SUCO: variants seen among roughly 807,000 people sequenced by gnomAD.
SUCO encodes SUN domain-containing ossification factor.
A neutral mutation model predicts 148.1 loss-of-function variants in SUCO; 57 were observed. The ratio of observed to expected loss-of-function variants is 0.38; its 90% CI spans 0.31 to 0.48. SUCO has a LOEUF of 0.48. SUCO is among the 20% of genes least tolerant of loss of function. The probability of loss-of-function intolerance (pLI) is 0.96; values close to 1 mark genes in which losing one functional copy is unlikely to be tolerated. For missense variants in SUCO, 1,331 were observed against 1,468.2 expected, an observed-to-expected ratio of 0.91 and a Z score of 1.53; for synonymous variants, 470 against 502.7, an observed-to-expected ratio of 0.93 and a Z score of 0.87.
intron 6 of SUCO, among the ~76,000 whole-genome samples, chr1:172,562,386 T>C (rs1449023936): frequency 6.7e-6 from 1 of 149,954 alleles, no homozygotes; most frequent in East Asian, 1.9e-4. Flanking sequence ...CAATCTGGAG[T>C]GCAGTGGTGC....
At chr1:172,562,639 C>T (rs895023599) in intron 6 of SUCO, among the ~76,000 whole-genome samples, 1 of 152,146 alleles carries the variant, frequency 6.6e-6, no homozygotes, top group Non-Finnish European at 1.5e-5. Context: ...CCCAGTTAGA[C>T]CATTCTTTAG....
At chr1:172,597,089 T>A (rs572494281) in intron 19 of SUCO, among the ~76,000 whole-genome samples, 4 of 152,174 alleles carry the variant, frequency 2.6e-5, no homozygotes, top group South Asian at 4.1e-4. Flanking sequence ...CTCCGAGCCA[T>A]GCACGGGATA....
chr1:172,537,286 AAAT>A (rs373876920), intron 1 of SUCO, among the ~76,000 whole-genome samples: 3 of 152,178 alleles, frequency 2.0e-5, no homozygotes, highest in East Asian at 1.9e-4. Context: ...AATGAGAAAA[AAAT>A]AATAATTTCT....
intron 19 of SUCO, among the ~76,000 whole-genome samples, chr1:172,595,298 A>G (rs1023066819): frequency 2.0e-5 from 3 of 152,152 alleles, no homozygotes; most frequent in East Asian, 3.9e-4. Flanking sequence ...TAATATTGTT[A>G]TATGTGAATG....
chr1:172,578,085 A>C (rs1329189768), intron 13 of SUCO, among the ~76,000 whole-genome samples: 1 of 151,932 alleles, frequency 6.6e-6, no homozygotes, highest in Non-Finnish European at 1.5e-5. Flanking sequence ...ACTGATATGA[A>C]AACTCATCCA....
At chr1:172,577,488 T>A in intron 11 of SUCO, 51 bp from the exon 12 acceptor site, 1 of 1,552,680 alleles carries the variant, frequency 6.4e-7, no homozygotes, top group South Asian at 1.1e-5. Context: ...TATTGCATGA[T>A]GTCTAGACTT....
intron 11 of SUCO, 89 bp downstream of exon 11, chr1:172,575,712 AAAGTT>A: frequency 2.3e-6 from 2 of 857,800 alleles, no homozygotes; most frequent in South Asian, 1.5e-5. Context: ...AGAAATCAGA[AAAGTT>A]AAGAAATAGA....
intron 1 of SUCO, among the ~76,000 whole-genome samples, chr1:172,534,945 A>G (rs1414303903): frequency 1.3e-5 from 2 of 152,232 alleles, no homozygotes; most frequent in African/African-American, 4.8e-5. Context: ...TTAAAAACAC[A>G]CCAGTATCTC....
chr1:172,538,258 A>G (rs1337871978), intron 1 of SUCO, among the ~76,000 whole-genome samples: 1 of 152,182 alleles, frequency 6.6e-6, no homozygotes, highest in Non-Finnish European at 1.5e-5. Context: ...CTAAATCAAG[A>G]TGTTGGCCTT....
At chr1:172,551,392 C>T (rs1653284478) in intron 1 of SUCO, 120 bp from the exon 2 acceptor site, 1 of 550,742 alleles carries the variant, frequency 1.8e-6, no homozygotes, top group Non-Finnish European at 3.2e-6. Context: ...AGGATAGGAA[C>T]CATCTGTCTG....
chr1:172,562,613 G>T (rs1654259445), intron 6 of SUCO, among the ~76,000 whole-genome samples: 1 of 152,188 alleles, frequency 6.6e-6, no homozygotes, highest in African/African-American at 2.4e-5. Flanking sequence ...GGGATTAACA[G>T]GTGTGAGCCA....
intron 18 of SUCO, among the ~76,000 whole-genome samples, chr1:172,590,755 C>A (rs1656594670): frequency 1.3e-5 from 2 of 152,124 alleles, no homozygotes; most frequent in South Asian, 4.1e-4. Flanking sequence ...TTAGCTACCC[C>A]ATACCTGCTC....
At chr1:172,569,704 AACAAT>A (rs893372638) in intron 7 of SUCO, among the ~76,000 whole-genome samples, 2 of 152,180 alleles carry the variant, frequency 1.3e-5, no homozygotes, top group Admixed American at 6.5e-5. Flanking sequence ...TTAAAAAAAA[AACAAT>A]AAAATAATGT....
chr1:172,591,238 T>C (rs1178685857), intron 19 of SUCO, among the ~76,000 whole-genome samples, 167 bp downstream of exon 19: 1 of 152,116 alleles, frequency 6.6e-6, no homozygotes, highest in Non-Finnish European at 1.5e-5. Flanking sequence ...ACATAGCTAT[T>C]AGCATCATTA....
chr1:172,581,224 C>G (rs1219960254), intron 15 of SUCO, among the ~76,000 whole-genome samples: 1 of 152,170 alleles, frequency 6.6e-6, no homozygotes, highest in African/African-American at 2.4e-5. Flanking sequence ...TGTTTAGATA[C>G]TTCTGTTTGG....
Position 172,589,876 on chromosome 1 carries a change from A to G in SUCO, c.2775A>G (p.Leu925=), listed in dbSNP as rs562808695. The change falls in exon 18 of 24, where the codon TTA becomes TTG. Residue 925 remains leucine (L), a synonymous_variant. Transcript: ENST00000263688. ...FMRLNNRIKA[L]EVNMSLSGRY... ...GACTTAATAATCGTATTAAAGCCTT[A>G]GAAGTTAACATGTCTCTCAGTGGTC... The G allele has an allele frequency of 6.4e-7, 1 of 1,563,764 alleles. No individual in the cohort carries two copies. The highest frequency in any genetic ancestry group is 2.2e-5 in the East Asian group (1 of 44,734).
intron 1 of SUCO, among the ~76,000 whole-genome samples, chr1:172,548,556 A>G (rs1484212786): frequency 2.0e-5 from 3 of 152,014 alleles, no homozygotes; most frequent in Non-Finnish European, 4.4e-5. Flanking sequence ...TGTCTTATCT[A>G]CATCCCACCA....
At chr1:172,557,548 G>C in intron 5 of SUCO, 96 bp from the exon 6 acceptor site, 5 of 1,474,238 alleles carry the variant, frequency 3.4e-6, no homozygotes, top group Non-Finnish European at 4.6e-6. Flanking sequence ...TTTCTTCCTT[G>C]GTTTACTTTG....
At chr1:172,557,022 CT>C in intron 4 of SUCO, 1 of 974,594 alleles carries the variant, frequency 1.0e-6, no homozygotes, top group South Asian at 4.8e-5. Context: ...GGAAATTAAA[CT>C]TTAGAGAAGA....
Sources: gnomAD v4.1 joint callset for allele counts (sites outside exome capture counted in the v4.1 genomes callset) on GRCh38, gnomAD v4.1.1 for gene constraint, MANE v1.5 for transcripts, NCBI Gene and HGNC (gene_info 2026-07-23, HGNC 2026-07-21) for gene names.